Variants in LARGE1 observed in about 807,000 individuals in gnomAD.
The protein encoded by LARGE1 is xylosyl- and glucuronyltransferase LARGE1.
A neutral mutation model predicts 87.6 loss-of-function variants in LARGE1; 43 were observed. That is an observed-to-expected ratio of 0.49 (90% confidence interval 0.38 to 0.63). The LOEUF is 0.63. LARGE1 is among the 30% of genes least tolerant of loss of function. LARGE1 has a pLI of 0.00. For missense variants in LARGE1, 802 were observed against 1,000.2 expected, an observed-to-expected ratio of 0.80 and a Z score of 2.67; for synonymous variants, 434 against 394.6, an observed-to-expected ratio of 1.10 and a Z score of -1.18.
At chr22:33,715,076 C>A (rs1415717323) in intron 2 of LARGE1, among the ~76,000 whole-genome samples, 1 of 152,184 alleles carries the variant, frequency 6.6e-6, no homozygotes, top group African/African-American at 2.4e-5. Context: ...GGGCTCCTAC[C>A]TTTGCATGAG....
chr22:33,787,771 C>T (rs951370882), intron 1 of LARGE1, among the ~76,000 whole-genome samples: 2 of 152,194 alleles, frequency 1.3e-5, no homozygotes, highest in African/African-American at 4.8e-5. Context: ...CCTTACAGCC[C>T]TTCAACACTT....
intron 5 of LARGE1, among the ~76,000 whole-genome samples, chr22:33,598,208 A>ATC (rs1469068715): frequency 6.6e-6 from 1 of 152,088 alleles, no homozygotes; most frequent in Non-Finnish European, 1.5e-5. Flanking sequence ...CTGGATATTC[A>ATC]TCCTGGCTCT....
At chr22:33,692,597 C>T (rs2082128416) in intron 2 of LARGE1, among the ~76,000 whole-genome samples, 1 of 152,244 alleles carries the variant, frequency 6.6e-6, no homozygotes. Flanking sequence ...AGGCGTGAGC[C>T]ACCGCGCCCG....
chr22:33,805,200 G>C (rs897238038), intron 1 of LARGE1, among the ~76,000 whole-genome samples: 3 of 152,046 alleles, frequency 2.0e-5, no homozygotes, highest in African/African-American at 7.2e-5. Context: ...ATACCTTAAA[G>C]ACACACCTGG....
At chr22:33,152,726 G>C in the LARGE1 span, among the ~76,000 whole-genome samples, 1 of 151,970 alleles carries the variant, frequency 6.6e-6, no homozygotes, top group Non-Finnish European at 1.5e-5. Flanking sequence ...AAAGGATCTG[G>C]TTTCTTTTTA....
At chr22:33,837,164 G>C (rs764360937) in intron 1 of LARGE1, among the ~76,000 whole-genome samples, 1 of 151,946 alleles carries the variant, frequency 6.6e-6, no homozygotes, top group Non-Finnish European at 1.5e-5. Flanking sequence ...CAAAGGCACA[G>C]GGATTTTGCA....
At chr22:33,654,731 C>T (rs553192910) in intron 2 of LARGE1, among the ~76,000 whole-genome samples, 1 of 152,304 alleles carries the variant, frequency 6.6e-6, no homozygotes, top group East Asian at 1.9e-4. Context: ...TTATACAGCC[C>T]ATTACATACG....
chr22:33,908,399 G>A (rs2065520507), intron 1 of LARGE1, among the ~76,000 whole-genome samples: 1 of 152,110 alleles, frequency 6.6e-6, no homozygotes, highest in Non-Finnish European at 1.5e-5. Context: ...GGTTCTGAAG[G>A]AAAAACACAA....
chr22:33,907,805 G>A (rs969163771), intron 1 of LARGE1, among the ~76,000 whole-genome samples: 2 of 152,080 alleles, frequency 1.3e-5, no homozygotes, highest in African/African-American at 4.8e-5. Flanking sequence ...CACCATGTTA[G>A]CCAGGATGGT....
intron 6 of LARGE1, among the ~76,000 whole-genome samples, chr22:33,467,158 G>A (rs2068653004): frequency 6.6e-6 from 1 of 152,144 alleles, no homozygotes; most frequent in Non-Finnish European, 1.5e-5. Flanking sequence ...CAAGAGTGAG[G>A]GCATTCCCTC....
chr22:33,274,603 G>T lies in LARGE1; in HGVS notation c.2095C>A (p.Pro699Thr). The change falls in exon 15 of 15, where the codon CCC becomes ACC. Residue 699 changes from proline (P) to threonine (T), a missense_variant. Transcript: ENST00000397394. ...GGCATGTGGATCATGTAGGCGTTGG[G>T]CAGCACAATGAACTCATACTCCTGG... ...DVQEYEFIVLPNAYMIHMPHA... is the reference protein window; with the variant it reads ...DVQEYEFIVLTNAYMIHMPHA... 2 of 1,614,160 alleles carry T rather than the reference G, an allele frequency of 1.2e-6. No individual in the cohort carries two copies. The highest frequency in any genetic ancestry group is 1.7e-6 in the Non-Finnish European group (2 of 1,180,016).
chr22:33,214,318 T>C (rs1602102329), intron 11 of LARGE1, among the ~76,000 whole-genome samples: 1 of 151,682 alleles, frequency 6.6e-6, no homozygotes, highest in African/African-American at 2.4e-5. Flanking sequence ...CTCTTCTTCT[T>C]ATAAGGACAC....
chr22:33,330,010 C>CAACAA (rs1555897223), intron 10 of LARGE1, among the ~76,000 whole-genome samples: 2 of 146,874 alleles, frequency 1.4e-5, no homozygotes, highest in Non-Finnish European at 3.0e-5. Flanking sequence ...AACAGAACAA[C>CAACAA]AAAAAAAAAC....
intron 3 of LARGE1, among the ~76,000 whole-genome samples, chr22:33,627,299 T>TC (rs1569323496): frequency 6.6e-6 from 1 of 152,184 alleles, no homozygotes; most frequent in Non-Finnish European, 1.5e-5. Flanking sequence ...CTCTAGGGCA[T>TC]CCCCGACGGG....
At chr22:33,614,880 C>T (rs189425935) in intron 4 of LARGE1, among the ~76,000 whole-genome samples, 6 of 152,284 alleles carry the variant, frequency 3.9e-5, no homozygotes, top group Admixed American at 2.6e-4. Flanking sequence ...GCTTAGAGAG[C>T]ATCTAGCTGG....
chr22:33,909,902 C>T (rs61356969), intron 1 of LARGE1, among the ~76,000 whole-genome samples: 8,126 of 152,174 alleles, frequency 0.053, 254 homozygotes, highest in East Asian at 0.12. Flanking sequence ...CTCTCCAACC[C>T]AAAAAATATA....
chr22:33,141,640 A>C, the LARGE1 span, among the ~76,000 whole-genome samples: 1 of 152,148 alleles, frequency 6.6e-6, no homozygotes, highest in Non-Finnish European at 1.5e-5. Flanking sequence ...TACAATATGA[A>C]ATGGTATTGG....
At chr22:33,713,971 C>T (rs1354917409) in intron 2 of LARGE1, among the ~76,000 whole-genome samples, 3 of 107,158 alleles carry the variant, frequency 2.8e-5, no homozygotes, top group Non-Finnish European at 5.7e-5. Context: ...AAGTAAATAA[C>T]GTAACATAAC....
intron 11 of LARGE1, among the ~76,000 whole-genome samples, chr22:33,201,518 G>A (rs73881997): frequency 0.03 from 4,598 of 152,260 alleles, 96 homozygotes; most frequent in Admixed American, 0.057. Context: ...TTGTAATTTT[G>A]AATAGGGTGG....
Sources: allele counts gnomAD v4.1 joint callset (sites outside exome capture counted in the v4.1 genomes callset), GRCh38; gene constraint gnomAD v4.1.1; transcripts MANE v1.5; gene names NCBI Gene and HGNC (gene_info 2026-07-23, HGNC 2026-07-21).